MMP16: variants seen among roughly 807,000 people sequenced by gnomAD.
MMP16 encodes the protein matrix metallopeptidase 16.
MMP16 carries 12 observed loss-of-function variants against 67.8 expected under a neutral mutation model. That is an observed-to-expected ratio of 0.18 (90% confidence interval 0.11 to 0.29). The LOEUF is 0.29. Among genes scored for constraint, MMP16 ranks in the 10% least tolerant of loss-of-function variants. The probability of loss-of-function intolerance (pLI) is 1.00; values close to 1 mark genes in which losing one functional copy is unlikely to be tolerated. For synonymous variants in MMP16, 249 were observed against 255.9 expected (o/e 0.97, Z 0.26); for missense variants, 475 against 765.7 (o/e 0.62, Z 4.48).
chr8:88,289,687 GAAACACACAC>G (rs1341341101), intron 1 of MMP16, among the ~76,000 whole-genome samples: 1 of 68,364 alleles, frequency 1.5e-5, no homozygotes, highest in Admixed American at 2.2e-4. Flanking sequence ...ACTCCTAGAG[GAAACACACAC>G]ACACACACAC....
intron 7 of MMP16, among the ~76,000 whole-genome samples, chr8:88,065,813 A>G (rs1200786068): frequency 2.6e-5 from 4 of 152,116 alleles, no homozygotes; most frequent in Admixed American, 2.6e-4. Context: ...GTTTATGAGG[A>G]CTCATTTGAA....
In MMP16 at chr8:88,115,098, A is replaced by C. The variant is rs76287155; in HGVS notation, c.1083+1409T>G. 8.7e-3 allele frequency among the ~76,000 whole-genome samples: 1,321 copies of C among 152,126 alleles called. 17 individuals carry two copies. Among genetic ancestry groups the C allele is most frequent in the African/African-American group, 0.03 (1,262 of 41,552 alleles). ...ATGAAAAAATAATGTACCCAGAGTC[A>C]ATTTCACATCATATTCTCAGATAAG... On this transcript the variant is annotated intron_variant, in intron 6 of 9. Coordinates refer to ENST00000286614, the MANE Select transcript of MMP16 (RefSeq NM_005941.5).
intron 1 of MMP16, 85 bp downstream of exon 1, chr8:88,326,990 A>G (rs1053320763): frequency 6.4e-7 from 1 of 1,569,188 alleles, no homozygotes; most frequent in African/African-American, 1.3e-5. Flanking sequence ...GGCTGCTCTG[A>G]GCTACAAGGA....
intron 8 of MMP16, among the ~76,000 whole-genome samples, chr8:88,055,236 C>T (rs746348746): frequency 3.3e-5 from 5 of 152,058 alleles, no homozygotes; most frequent in East Asian, 1.9e-4. Flanking sequence ...GAGACAGGGT[C>T]GCACTCTGTT....
At chr8:88,184,705 CCA>C (rs1322325077) in intron 3 of MMP16, among the ~76,000 whole-genome samples, 1 of 128,192 alleles carries the variant, frequency 7.8e-6, no homozygotes, top group Non-Finnish European at 1.5e-5. Flanking sequence ...CAAGATCGCA[CCA>C]CTGCACTCAG....
intron 1 of MMP16, among the ~76,000 whole-genome samples, chr8:88,203,908 A>C (rs1384213733): frequency 6.6e-6 from 1 of 152,234 alleles, no homozygotes. Context: ...AGAAACAAAA[A>C]TCTTTTAATC....
At chr8:88,314,262 C>T (rs934753172) in intron 1 of MMP16, among the ~76,000 whole-genome samples, 2 of 152,058 alleles carry the variant, frequency 1.3e-5, no homozygotes, top group African/African-American at 2.4e-5. Flanking sequence ...TTCCATATGT[C>T]AACTTTTGGA....
At chr8:88,046,597 A>G in intron 9 of MMP16, 72 bp downstream of exon 9, 1 of 904,858 alleles carries the variant, frequency 1.1e-6, no homozygotes, top group Non-Finnish European at 1.7e-6. Flanking sequence ...GGCTTAATTT[A>G]GCAGAGTGAA....
At chr8:88,220,187 T>C (rs1412525593) in intron 1 of MMP16, among the ~76,000 whole-genome samples, 8 of 152,136 alleles carry the variant, frequency 5.3e-5, no homozygotes, top group Non-Finnish European at 1.2e-4. Flanking sequence ...GAATTCACCA[T>C]AATTTCTTAA....
chr8:88,144,825 T>C (rs951004944), intron 4 of MMP16, among the ~76,000 whole-genome samples: 7 of 152,036 alleles, frequency 4.6e-5, no homozygotes, highest in African/African-American at 1.7e-4. Context: ...GACATCACAA[T>C]TTTTAAAAAC....
chr8:88,170,745 C>T (rs1304186543), intron 3 of MMP16, among the ~76,000 whole-genome samples: 1 of 152,134 alleles, frequency 6.6e-6, no homozygotes, highest in Non-Finnish European at 1.5e-5. Flanking sequence ...CACTGAGTTT[C>T]CAGCCAGAGG....
intron 6 of MMP16, among the ~76,000 whole-genome samples, chr8:88,104,687 C>T (rs1809205920): frequency 6.6e-6 from 1 of 151,378 alleles, no homozygotes; most frequent in African/African-American, 2.4e-5. Flanking sequence ...TCAGAGTGAA[C>T]TACTTATAAA....
intron 1 of MMP16, among the ~76,000 whole-genome samples, chr8:88,301,223 C>T (rs529895192): frequency 5.3e-5 from 8 of 152,122 alleles, no homozygotes; most frequent in Non-Finnish European, 1.2e-4. Flanking sequence ...GATAACATGC[C>T]GGGGGGAAAG....
At chr8:88,075,075 G>C (rs1808624220) in intron 6 of MMP16, among the ~76,000 whole-genome samples, 1 of 152,052 alleles carries the variant, frequency 6.6e-6, no homozygotes, top group Non-Finnish European at 1.5e-5. Context: ...TTGAATGTGA[G>C]AGCAGCGTTA....
At chr8:88,140,626 A>G (rs1808197692) in intron 4 of MMP16, among the ~76,000 whole-genome samples, 1 of 152,102 alleles carries the variant, frequency 6.6e-6, no homozygotes, top group African/African-American at 2.4e-5. Flanking sequence ...ATAACATCCT[A>G]CTGAATGATT....
Position 88,251,157 on chromosome 8 carries a change from T to G in MMP16, c.133-53851A>C, listed in dbSNP as rs188325218. ...ATTCCATGGTGTATATGTGCCACATTTTCTTAATCCAGAGCCCGCATCGCC... is the reference window on the plus strand; with the variant it reads ...ATTCCATGGTGTATATGTGCCACATGTTCTTAATCCAGAGCCCGCATCGCC... On this transcript the variant is annotated intron_variant, in intron 1 of 9. Transcript: ENST00000286614. Among the ~76,000 whole-genome samples the G allele has an allele frequency of 3.0e-3, 462 of 152,138 alleles. 1 individual carries two copies. The highest frequency in any genetic ancestry group is 0.011 in the African/African-American group (441 of 41,516).
intron 1 of MMP16, among the ~76,000 whole-genome samples, chr8:88,265,953 A>G (rs114160263): frequency 6.6e-6 from 1 of 152,336 alleles, no homozygotes; most frequent in African/African-American, 2.4e-5. Context: ...CTGCTCAGCA[A>G]TCAGGACTAT....
intron 1 of MMP16, among the ~76,000 whole-genome samples, chr8:88,278,377 GT>G (rs1810681551): frequency 6.6e-6 from 1 of 152,204 alleles, no homozygotes; most frequent in African/African-American, 2.4e-5. Flanking sequence ...AGACCTGGGT[GT>G]GTTGTAATAC....
chr8:88,176,083 A>G (rs1159888420), intron 3 of MMP16, among the ~76,000 whole-genome samples: 1 of 152,196 alleles, frequency 6.6e-6, no homozygotes, highest in Non-Finnish European at 1.5e-5. Flanking sequence ...GTATTGTTAC[A>G]ATATTCACTT....
Sources: allele counts gnomAD v4.1 joint callset (sites outside exome capture counted in the v4.1 genomes callset), GRCh38; gene constraint gnomAD v4.1.1; transcripts MANE v1.5; gene names NCBI Gene and HGNC (gene_info 2026-07-23, HGNC 2026-07-21).